CRNKL1: variants seen among roughly 807,000 people sequenced by gnomAD.
The protein encoded by CRNKL1 is crooked neck pre-mRNA splicing factor 1.
Under a neutral mutation model 103.7 loss-of-function variants are expected in CRNKL1, and 35 were observed. That is an observed-to-expected ratio of 0.34 (90% CI 0.26 to 0.45). CRNKL1 has a LOEUF of 0.45. CRNKL1 is among the 20% of genes least tolerant of loss of function. The pLI, the probability that CRNKL1 is intolerant of heterozygous loss-of-function variation, is 1.00. For synonymous variants in CRNKL1, 267 were observed against 282.6 expected, an observed-to-expected ratio of 0.94 and a Z score of 0.55; for missense variants, 645 against 836.0, an observed-to-expected ratio of 0.77 and a Z score of 2.82.
At chr20:20,052,179 CA>C in intron 1 of CRNKL1, 112 bp downstream of exon 1, 1 of 920,070 alleles carries the variant, frequency 1.1e-6, no homozygotes, top group East Asian at 2.6e-5. Flanking sequence ...CTCCATCTCT[CA>C]GGGTGAGCCT....
chr20:20,048,569 T>C, intron 3 of CRNKL1, 68 bp from the exon 4 acceptor site: 1 of 1,514,804 alleles, frequency 6.6e-7, no homozygotes, highest in Non-Finnish European at 9.1e-7. Flanking sequence ...TATTTCAAAC[T>C]ATCTGGAATG....
At chr20:20,054,412 T>TACACACACACACAC (rs759860912), upstream of CRNKL1, among the ~76,000 whole-genome samples, 84 of 151,470 alleles carry the variant, frequency 5.5e-4, no homozygotes, top group African/African-American at 2.0e-3. Flanking sequence ...TATATATATA[T>TACACACACACACAC]ATACACACAC....
upstream of CRNKL1, among the ~76,000 whole-genome samples, chr20:20,055,368 G>A (rs2044229011): frequency 6.6e-6 from 1 of 152,110 alleles, no homozygotes; most frequent in Non-Finnish European, 1.5e-5. Context: ...TCTACCTAGA[G>A]CTTTGTGTAG....
At chr20:20,045,838 A>G (rs755733795) in intron 5 of CRNKL1, among the ~76,000 whole-genome samples, 11 of 152,194 alleles carry the variant, frequency 7.2e-5, no homozygotes, top group Non-Finnish European at 1.5e-4. Flanking sequence ...AACAGGGAAA[A>G]ATAATGCCAG....
In CRNKL1 at chr20:20,038,340, C is replaced by A; in HGVS notation, c.1647+9G>T. 6.6e-7 allele frequency: 1 copy of A among 1,521,700 alleles called. No homozygotes were observed. The highest frequency in any genetic ancestry group is 8.9e-7 in the Non-Finnish European group (1 of 1,120,072). 94.3% of individuals were successfully genotyped at this position (1,521,700 alleles called of 1,614,324 possible). A position where few individuals can be genotyped will look rare whatever the true frequency, so the allele number is the denominator to read the frequency against. On this transcript the variant is annotated intron_variant, in intron 12 of 13. Transcript: ENST00000536226. ...GCAAAATGAAAGATCATCTACAAAGCAAGGATACCTTGACATGCTGCGTCC... is the reference window on the plus strand; with the variant it reads ...GCAAAATGAAAGATCATCTACAAAGAAAGGATACCTTGACATGCTGCGTCC...
At chr20:20,043,340 T>C in intron 7 of CRNKL1, 152 bp downstream of exon 7, 1 of 730,380 alleles carries the variant, frequency 1.4e-6, no homozygotes, top group Non-Finnish European at 2.2e-6. Context: ...TTATTCCTAC[T>C]TGTCTGAAAT....
chr20:20,054,215 T>C (rs536527674), upstream of CRNKL1, among the ~76,000 whole-genome samples: 2 of 152,028 alleles, frequency 1.3e-5, no homozygotes, highest in African/African-American at 4.8e-5. Context: ...TTTCAGTCTT[T>C]GTATGAAATT....
upstream of CRNKL1, among the ~76,000 whole-genome samples, chr20:20,053,356 C>T (rs1027661580): frequency 1.3e-5 from 2 of 152,332 alleles, no homozygotes; most frequent in South Asian, 4.2e-4. Context: ...CCTCCTCTAA[C>T]AGCCTCCAAC....
intron 12 of CRNKL1, among the ~76,000 whole-genome samples, chr20:20,038,030 T>C (rs2043449478): frequency 1.3e-5 from 2 of 150,816 alleles, no homozygotes; most frequent in South Asian, 4.2e-4. Context: ...GAGGTTGCAG[T>C]GAGCCGAGAT....
In CRNKL1 at chr20:20,037,576, A is replaced by T. The variant is rs749949495; in HGVS notation, c.1648-5T>A. The T allele has an allele frequency of 6.2e-7, 1 of 1,608,610 alleles. No individual in the cohort carries two copies. Among genetic ancestry groups the T allele is most frequent in the South Asian group, 1.1e-5 (1 of 89,938 alleles). On this transcript the variant is annotated splice_polypyrimidine_tract_variant and splice_region_variant and intron_variant, in intron 12 of 13. Transcript: ENST00000536226. ...CTGAGCAAAGCTGATCCATACCTTT[A>T]AAAAAAGTTATTATTGAACCAAATT... is the stretch of plus-strand genomic sequence containing the variant.
chr20:20,045,537 T>C, intron 5 of CRNKL1, 51 bp from the exon 6 acceptor site: 2 of 1,514,184 alleles, frequency 1.3e-6, no homozygotes, highest in Non-Finnish European at 1.8e-6. Flanking sequence ...CTTAAAAAAA[T>C]AGTAAGTAAG....
Position 20,035,665 on chromosome 20 carries a change from GAACA to G in CRNKL1, c.*526_*529del, listed in dbSNP as rs1222823924. The G allele has an allele frequency of 1.3e-5, 2 of 152,442 alleles. No individual in the cohort carries two copies. Among genetic ancestry groups the G allele is most frequent in the East Asian group, 1.9e-4 (1 of 5,184 alleles). The allele number at this position is 152,442 out of a possible 1,614,324, so 9.4% of individuals were successfully genotyped here. Reference sequence around the variant, plus strand: ...TGAAACCATTTTTAAAAGTGGCTTAGAACAAACAATTTACTGAGCACTTACTATG... The same window carrying G: ...TGAAACCATTTTTAAAAGTGGCTTAGAACAATTTACTGAGCACTTACTATG... On this transcript the variant is annotated 3_prime_UTR_variant, in exon 14 of 14. Transcript: ENST00000536226.
rs745640703 is a variant in CRNKL1 at position 20,048,546 on chromosome 20, C to A, written c.297-45G>T. On this transcript the variant is annotated intron_variant, in intron 3 of 13. Transcript: ENST00000536226. ...AGGGCATCAAAAATAGAGCATTCAACACATGTAGCAGTTATTTCAAACTAT... is the reference window on the plus strand; with the variant it reads ...AGGGCATCAAAAATAGAGCATTCAAAACATGTAGCAGTTATTTCAAACTAT... The A allele has an allele frequency of 4.4e-6, 7 of 1,595,582 alleles. No individual in the cohort carries two copies. The Admixed American group carries it at 6.7e-5, about 15-fold the overall frequency.
Position 20,035,084 on chromosome 20 carries a change from C to CTCT in CRNKL1, c.*1108_*1110dup, listed in dbSNP as rs2043398733. 1 of 152,186 alleles carries CTCT rather than the reference C, an allele frequency of 6.6e-6. No homozygotes were observed. Among genetic ancestry groups the CTCT allele is most frequent in the Non-Finnish European group, 1.5e-5 (1 of 68,030 alleles). 9.4% of individuals were successfully genotyped at this position (152,186 alleles called of 1,614,324 possible). A position where few individuals can be genotyped will look rare whatever the true frequency, so the allele number is the denominator to read the frequency against. Reference sequence around the variant, plus strand: ...AGCAAATACATTCATTCTTGTGCTACTCTTCATTATTTAGCATAGAGCTAC... The same window carrying CTCT: ...AGCAAATACATTCATTCTTGTGCTACTCTTCTTCATTATTTAGCATAGAGCTAC... On this transcript the variant is annotated 3_prime_UTR_variant, in exon 14 of 14. Transcript: ENST00000536226.
At chr20:20,050,051 A>G (rs1157798201) in intron 2 of CRNKL1, among the ~76,000 whole-genome samples, 2 of 152,156 alleles carry the variant, frequency 1.3e-5, no homozygotes, top group Non-Finnish European at 2.9e-5. Context: ...TCCTGACCTC[A>G]GGTGATCTGC....
intron 6 of CRNKL1, among the ~76,000 whole-genome samples, chr20:20,044,621 A>C (rs2043566071): frequency 6.6e-6 from 1 of 151,222 alleles, no homozygotes; most frequent in Non-Finnish European, 1.5e-5. Context: ...TATTATTTGA[A>C]CTCCCTTTTT....
At chr20:20,044,911 AAG>A (rs1383271607) in intron 6 of CRNKL1, among the ~76,000 whole-genome samples, 14 of 152,304 alleles carry the variant, frequency 9.2e-5, no homozygotes, top group Non-Finnish European at 1.8e-4. Context: ...AAGGGAAAAA[AAG>A]AACTCTCTTA....
Position 20,045,410 on chromosome 20 carries a change from A to G in CRNKL1, c.699T>C (p.His233=). Residue 233 remains histidine (H), a synonymous_variant, in exon 6 of 14, where the codon CAT becomes CAC. Transcript: ENST00000536226. ...RFEEKHAYFA[H]ARKVYERAVE... is the part of the protein sequence containing the mutation. ...CAGCTCTCTCATACACTTTCCGTGC[A>G]TGGGCAAAATAAGCATGTTTTTCTT... 6.2e-7 allele frequency: 1 copy of G among 1,613,818 alleles called. No individual in the cohort carries two copies. The highest frequency in any genetic ancestry group is 8.5e-7 in the Non-Finnish European group (1 of 1,179,932).
chr20:20,036,205 C>T lies in CRNKL1; in HGVS notation c.2054G>A (p.Ser685Asn). 6.2e-7 allele frequency: 1 copy of T among 1,613,896 alleles called. No individual in the cohort carries two copies. The highest frequency in any genetic ancestry group is 8.5e-7 in the Non-Finnish European group (1 of 1,179,934). ...TCTATGAAAAAAAGATCAGGATTCACTCTCATCGACGTCCTCATCTGGATG... is the reference window on the plus strand; with the variant it reads ...TCTATGAAAAAAAGATCAGGATTCATTCTCATCGACGTCCTCATCTGGATG... ...EHHPDEDVDESES is the reference protein window; with the variant it reads ...EHHPDEDVDENES The change falls in exon 14 of 14, where the codon AGT becomes AAT. Residue 685 changes from serine (S) to asparagine (N), a missense_variant. Transcript: ENST00000536226.
Sources: gnomAD v4.1 joint callset for allele counts (sites outside exome capture counted in the v4.1 genomes callset) on GRCh38, gnomAD v4.1.1 for gene constraint, MANE v1.5 for transcripts, NCBI Gene and HGNC (gene_info 2026-07-23, HGNC 2026-07-21) for gene names.